The following PSMF1 variants were observed in gnomAD, a reference collection of about 807,000 sequenced individuals.
The protein encoded by PSMF1 is proteasome inhibitor PI31 subunit.
A neutral mutation model predicts 29.3 loss-of-function variants in PSMF1; 30 were observed. The ratio of observed to expected loss-of-function variants is 1.02; its 90% CI spans 0.77 to 1.39. The LOEUF (loss-of-function observed/expected upper bound fraction) is 1.39. Ranked by LOEUF, PSMF1 falls within the 40% of genes most tolerant of loss-of-function variation. PSMF1 has a pLI of 0.00. For missense variants in PSMF1, 344 were observed against 357.5 expected (o/e 0.96, Z 0.31); for synonymous variants, 134 against 139.7 (o/e 0.96, Z 0.29).
At chr20:1,133,569 A>ATATATATATATAGTTTTTTTTTT in intron 3 of PSMF1, among the ~76,000 whole-genome samples, 1 of 53,288 alleles carries the variant, frequency 1.9e-5, no homozygotes, top group Non-Finnish European at 4.6e-5. Flanking sequence ...ATATATATAT[A>ATATATATATATAGTTTTTTTTTT]TTTTTTTTTT....
At chr20:1,138,615 G>A (rs2086339854) in intron 4 of PSMF1, among the ~76,000 whole-genome samples, 1 of 151,880 alleles carries the variant, frequency 6.6e-6, no homozygotes, top group Admixed American at 6.6e-5. Flanking sequence ...TTTCATGACA[G>A]GAGCATTCAG....
chr20:1,161,394 C>T, intron 4 of PSMF1: 1 of 369,856 alleles, frequency 2.7e-6, no homozygotes. Context: ...TTGCAGCATC[C>T]ATGAGACCAC....
intron 4 of PSMF1, among the ~76,000 whole-genome samples, chr20:1,138,569 C>T (rs186279970): frequency 4.0e-5 from 6 of 148,998 alleles, no homozygotes; most frequent in South Asian, 2.1e-4. Context: ...ATGTTCATCT[C>T]GATAGAAAAA....
At chr20:1,155,564 C>T (rs1296157156) in intron 4 of PSMF1, among the ~76,000 whole-genome samples, 3 of 152,178 alleles carry the variant, frequency 2.0e-5, no homozygotes, top group African/African-American at 4.8e-5. Flanking sequence ...ACTGCGTGGA[C>T]CACAGAGCGG....
chr20:1,133,569 A>ATATATATATATTTTTTTTTTTTTTTTTT, intron 3 of PSMF1, among the ~76,000 whole-genome samples: 2 of 53,302 alleles, frequency 3.8e-5, no homozygotes, highest in African/African-American at 5.6e-5. Context: ...ATATATATAT[A>ATATATATATATTTTTTTTTTTTTTTTTT]TTTTTTTTTT....
intron 4 of PSMF1, among the ~76,000 whole-genome samples, chr20:1,142,553 G>A (rs955499024): frequency 1.3e-5 from 2 of 152,188 alleles, no homozygotes; most frequent in Non-Finnish European, 2.9e-5. Flanking sequence ...AGTTTGCTGA[G>A]AATGGTGGTT....
rs1190337437 is a variant in PSMF1, at chr20:1,171,349, A to G, written c.*6269A>G. On this transcript the variant is annotated 3_prime_UTR_variant, in exon 7 of 7. Coordinates refer to ENST00000335877, the MANE Select transcript of PSMF1 (RefSeq NM_006814.5). The stretch of plus-strand genomic sequence containing the variant: ...CTCCTAACAGGCTTCCCTGGGCCAC[A>G]GGAATGGGCTCGGGCTCTCTGCTGG... Among the ~76,000 whole-genome samples the G allele has an allele frequency of 3.9e-5, 6 of 152,170 alleles. No individual in the cohort carries two copies. The highest frequency in any genetic ancestry group is 7.2e-5 in the African/African-American group (3 of 41,442).
intron 2 of PSMF1, 169 bp downstream of exon 2, chr20:1,125,819 T>G: frequency 2.2e-6 from 2 of 921,102 alleles, no homozygotes; most frequent in Non-Finnish European, 3.4e-6. Context: ...ATAGAAAACC[T>G]TCGTGCACAA....
rs529926809 is a variant in PSMF1, at chr20:1,164,923, G to A, written c.765-106G>A. 8.5e-5 allele frequency: 86 copies of A among 1,008,528 alleles called. No individual in the cohort carries two copies. The African/African-American group carries it at 1.0e-3, about 12-fold the overall frequency. The allele number at this position is 1,008,528 out of a possible 1,614,324, so 62.5% of individuals were successfully genotyped here. A position where few individuals can be genotyped will look rare whatever the true frequency, so the allele number is the denominator to read the frequency against. ...TGCATGTGTTTAAATTCCTCACACC[G>A]CCACATCATGTTGAAGGGCAGGCTC... On this transcript the variant is annotated intron_variant, in intron 6 of 6. Transcript: ENST00000335877. The surrounding 1 kb of genome is among the most constrained non-coding windows in gnomAD (Gnocchi z 4.1).
chr20:1,160,864 C>A, intron 4 of PSMF1: 1 of 457,814 alleles, frequency 2.2e-6, no homozygotes. Context: ...CAACAAGCTG[C>A]ATGTGTTCCT....
chr20:1,139,447 A>C (rs183353129), intron 4 of PSMF1, among the ~76,000 whole-genome samples: 48 of 152,212 alleles, frequency 3.2e-4, no homozygotes, highest in African/African-American at 1.2e-3. Flanking sequence ...AAATACCTCT[A>C]TTTGTCAATG....
intron 1 of PSMF1, 23 bp downstream of exon 1, chr20:1,118,925 G>A (rs768146567): frequency 1.9e-6 from 3 of 1,612,532 alleles, no homozygotes; most frequent in Admixed American, 3.3e-5. Flanking sequence ...GCCGGCCAGG[G>A]TGGAGGAGGG....
Position 1,170,963 on chromosome 20 carries a change from C to A in PSMF1, c.*5883C>A, listed in dbSNP as rs1398038252. Among the ~76,000 whole-genome samples the A allele has an allele frequency of 6.6e-6, 1 of 152,088 alleles. No individual in the cohort carries two copies. Among genetic ancestry groups the A allele is most frequent in the East Asian group, 1.9e-4 (1 of 5,196 alleles). On this transcript the variant is annotated 3_prime_UTR_variant, in exon 7 of 7. Transcript: ENST00000335877. ...ATTAGTTGAGATGCTGCACCTACCC[C>A]CTGGGGTGGCAGAACCGTGATTGGA...
In PSMF1 at chr20:1,164,992, C is replaced by A; in HGVS notation, c.765-37C>A. ...TCTGCCCATGTTCCCCTGGTCTCTC[C>A]ATCACTCCAACTCATCAGCCCCTCT... On this transcript the variant is annotated intron_variant, in intron 6 of 6. Transcript: ENST00000335877. This position sits in a 1 kb window ranked among gnomAD's most constrained non-coding sequence, Gnocchi z 4.1. 2 of 1,560,128 alleles carry A rather than the reference C, an allele frequency of 1.3e-6. No homozygotes were observed. The highest frequency in any genetic ancestry group is 1.7e-4 in the Middle Eastern group (1 of 5,968).
chr20:1,122,960 A>G (rs1042497084), intron 1 of PSMF1, among the ~76,000 whole-genome samples: 3 of 152,250 alleles, frequency 2.0e-5, no homozygotes, highest in African/African-American at 7.2e-5. Context: ...CAGAGCAAAG[A>G]TGAGGATGTC....
chr20:1,126,464 A>G (rs1014307502), intron 2 of PSMF1, among the ~76,000 whole-genome samples: 1 of 152,226 alleles, frequency 6.6e-6, no homozygotes, highest in Non-Finnish European at 1.5e-5. Context: ...TCATAGCACC[A>G]TAATTTCTTT....
At chr20:1,131,786 A>G (rs1443939128) in intron 3 of PSMF1, among the ~76,000 whole-genome samples, 3 of 152,172 alleles carry the variant, frequency 2.0e-5, no homozygotes, top group African/African-American at 7.2e-5. Flanking sequence ...TTTTGCCACA[A>G]CCAAAATGGC....
intron 2 of PSMF1, among the ~76,000 whole-genome samples, chr20:1,126,508 G>A (rs908178728): frequency 6.6e-6 from 1 of 151,982 alleles, no homozygotes; most frequent in East Asian, 1.9e-4. Flanking sequence ...TTTAGATCTC[G>A]TGTCAGATAG....
rs184941703 is a variant in PSMF1 at position 1,118,724 on chromosome 20, C to T, written c.-50C>T. ...CCCCGGCCGCGGAGCCGGCTCACTGCACTACCCCCGCCCCCTTCTTTCCTC... is the reference window on the plus strand; with the variant it reads ...CCCCGGCCGCGGAGCCGGCTCACTGTACTACCCCCGCCCCCTTCTTTCCTC... On this transcript the variant is annotated 5_prime_UTR_variant, in exon 1 of 7. Coordinates refer to ENST00000335877, the MANE Select transcript of PSMF1 (RefSeq NM_006814.5). The T allele has an allele frequency of 6.3e-7, 1 of 1,584,312 alleles. No individual in the cohort carries two copies. Among genetic ancestry groups the T allele is most frequent in the South Asian group, 1.1e-5 (1 of 88,148 alleles).
Sources: allele counts gnomAD v4.1 joint callset (sites outside exome capture counted in the v4.1 genomes callset), GRCh38; gene constraint gnomAD v4.1.1; non-coding constraint Gnocchi (gnomAD v3.1); transcripts MANE v1.5; gene names NCBI Gene and HGNC (gene_info 2026-07-23, HGNC 2026-07-21).